FCGR2A: variants seen among roughly 807,000 people sequenced by gnomAD.
FCGR2A encodes Fc gamma receptor IIa.
FCGR2A carries 18 observed loss-of-function variants against 29.3 expected under a neutral mutation model. The ratio of observed to expected loss-of-function variants is 0.62; its 90% CI spans 0.43 to 0.91. FCGR2A has a LOEUF of 0.91. FCGR2A is among the 40% of genes least tolerant of loss of function. The probability of loss-of-function intolerance (pLI) is 0.00; values close to 1 mark genes in which losing one functional copy is unlikely to be tolerated. For missense variants in FCGR2A, 287 were observed against 393.0 expected (o/e 0.73, Z 2.28); for synonymous variants, 126 against 144.8 (o/e 0.87, Z 0.93).
rs1675338735 is a variant in FCGR2A at position 161,505,653 on chromosome 1, G to C, written c.85+101G>C. 4.1e-6 allele frequency: 4 copies of C among 968,968 alleles called. No homozygotes were observed. In the South Asian group the frequency reaches 5.1e-5, roughly 12 times the overall value. 60.0% of individuals were successfully genotyped at this position (968,968 alleles called of 1,614,324 possible). On this transcript the variant is annotated intron_variant, in intron 1 of 6. Coordinates refer to ENST00000271450, the MANE Select transcript of FCGR2A (RefSeq NM_001136219.3). ...GGAGCAGGCCTGGGCCCTGGAAGCA[G>C]GGGATAGATTGAAAGAGGAGAGAGG...
intron 3 of FCGR2A, among the ~76,000 whole-genome samples, chr1:161,508,445 G>A (rs35855160): frequency 0.15 from 22,754 of 151,672 alleles, 2,151 homozygotes; most frequent in Middle Eastern, 0.31. Flanking sequence ...AAAATTAGCC[G>A]GGCGTGATGG....
chr1:161,520,913 T>G (rs1297760067), downstream of FCGR2A, among the ~76,000 whole-genome samples: 2 of 144,586 alleles, frequency 1.4e-5, no homozygotes, highest in South Asian at 4.2e-4. Flanking sequence ...CTCCTACTGC[T>G]TTTCCTTGCT....
downstream of FCGR2A, among the ~76,000 whole-genome samples, chr1:161,520,315 C>T (rs1179393238): frequency 7.2e-5 from 11 of 152,280 alleles, no homozygotes; most frequent in East Asian, 2.1e-3. Flanking sequence ...CAGGCACCTT[C>T]TGCACATGAT....
chr1:161,510,627 G>A (rs1351120999), intron 4 of FCGR2A, among the ~76,000 whole-genome samples: 5 of 152,188 alleles, frequency 3.3e-5, no homozygotes, highest in Non-Finnish European at 7.3e-5. Context: ...GGGTAGGGAG[G>A]AGGCACAAGT....
Position 161,519,311 on chromosome 1 carries a change from T to C in FCGR2A, c.*1163T>C, listed in dbSNP as rs1327325117. 6.5e-6 allele frequency: 1 copy of C among 152,710 alleles called. No individual in the cohort carries two copies. The highest frequency in any genetic ancestry group is 1.5e-5 in the Non-Finnish European group (1 of 68,330). 9.5% of individuals were successfully genotyped at this position (152,710 alleles called of 1,614,324 possible). A position where few individuals can be genotyped will look rare whatever the true frequency, so the allele number is the denominator to read the frequency against. Reference sequence around the variant, plus strand: ...CAGCCGTTCTTGACATCAAGAATCTTCTGTTCCACATCCACACAGCCAATA... The same window carrying C: ...CAGCCGTTCTTGACATCAAGAATCTCCTGTTCCACATCCACACAGCCAATA... On this transcript the variant is annotated 3_prime_UTR_variant, in exon 7 of 7. Coordinates refer to ENST00000271450, the MANE Select transcript of FCGR2A (RefSeq NM_001136219.3).
chr1:161,506,536 G>A lies in FCGR2A; in HGVS notation c.309G>A (p.Thr103=), dbSNP rs775148955. Reference sequence around the variant, plus strand: ...ACAACAATGACAGCGGGGAGTACACGTGCCAGACTGGCCAGACCAGCCTCA... The same window carrying A: ...ACAACAATGACAGCGGGGAGTACACATGCCAGACTGGCCAGACCAGCCTCA... ...KANNNDSGEY[T]CQTGQTSLSD... is the part of the protein sequence containing the mutation. Residue 103 remains threonine, a synonymous_variant, in exon 3 of 7, where the codon ACG becomes ACA. Transcript: ENST00000271450. The A allele has an allele frequency of 6.2e-6, 10 of 1,614,076 alleles. No homozygotes were observed. The highest frequency in any genetic ancestry group is 2.2e-5 in the East Asian group (1 of 44,894).
chr1:161,517,255 A>C (rs1305783697), intron 6 of FCGR2A, among the ~76,000 whole-genome samples: 2 of 152,096 alleles, frequency 1.3e-5, no homozygotes, highest in African/African-American at 4.8e-5. Context: ...ATATCTTAAC[A>C]GCTTAACAAG....
rs1209980542 is a variant in FCGR2A at position 161,519,274 on chromosome 1, CCTT to C, written c.*1129_*1131del. ...ATATGGTCCCAAATGACTGACTGCA[CCTT>C]CTGTGCCTCAGCCGTTCTTGACATC... On this transcript the variant is annotated 3_prime_UTR_variant, in exon 7 of 7. Coordinates refer to ENST00000271450, the MANE Select transcript of FCGR2A (RefSeq NM_001136219.3). The C allele has an allele frequency of 1.3e-5, 2 of 152,752 alleles. No homozygotes were observed. Among genetic ancestry groups the C allele is most frequent in the Non-Finnish European group, 2.9e-5 (2 of 68,376 alleles). 9.5% of individuals were successfully genotyped at this position (152,752 alleles called of 1,614,324 possible).
At chr1:161,511,820 C>A (rs1675806742) in intron 5 of FCGR2A, among the ~76,000 whole-genome samples, 1 of 152,164 alleles carries the variant, frequency 6.6e-6, no homozygotes. Context: ...CCTGAGAAAC[C>A]AGGTGAATAC....
rs403988 is a variant in FCGR2A, at chr1:161,513,876, T to C, written c.743-19T>C. On this transcript the variant is annotated intron_variant, in intron 5 of 6. Coordinates refer to ENST00000271450, the MANE Select transcript of FCGR2A (RefSeq NM_001136219.3). ...TTCAACAGCAGTGCCCTGGCTAATC[T>C]TTTTCTTTTTCCCCACAGCCAATTC... 8.7e-4 allele frequency: 1,412 copies of C among 1,613,718 alleles called. 10 individuals are homozygous for C. In the East Asian group the frequency reaches 0.026, roughly 29 times the overall value.
intron 4 of FCGR2A, 120 bp from the exon 5 acceptor site, chr1:161,510,714 G>A (rs1675716686): frequency 1.5e-6 from 2 of 1,296,584 alleles, no homozygotes; most frequent in Non-Finnish European, 2.2e-6. Context: ...AGACACAGAA[G>A]AGCTTCAGGT....
At position 161,513,814 on chromosome 1, in the gene FCGR2A, G is replaced by A; in HGVS notation, c.743-81G>A. ...CAGTCCTTGCTTTGAGTCTGGTTATGGTTTTGCAGCCTCAGCATCAGCGTG... is the reference window on the plus strand; with the variant it reads ...CAGTCCTTGCTTTGAGTCTGGTTATAGTTTTGCAGCCTCAGCATCAGCGTG... On this transcript the variant is annotated intron_variant, in intron 5 of 6. Transcript: ENST00000271450. The A allele has an allele frequency of 3.1e-6, 5 of 1,603,946 alleles. No individual in the cohort carries two copies. In the East Asian group the frequency reaches 8.9e-5, roughly 29 times the overall value.
At position 161,510,948 on chromosome 1, in the gene FCGR2A, G is replaced by A. The variant is rs746278098; in HGVS notation, c.734G>A (p.Arg245Gln). 4.2e-5 allele frequency: 67 copies of A among 1,614,016 alleles called. No homozygotes were observed. The highest frequency in any genetic ancestry group is 3.3e-4 in the South Asian group (30 of 91,082). Residue 245 changes from arginine to glutamine, a missense_variant, in exon 5 of 7, where the codon CGG becomes CAG. By Grantham distance (43) the Arg-to-Gln change is conservative. Coordinates refer to ENST00000271450, the MANE Select transcript of FCGR2A (RefSeq NM_001136219.3). ...VVALIYCRKK[R>Q]ISANSTDPVK... ...GCCTTGATCTACTGCAGGAAAAAGCGGATTTCAGGTTTGTAGCTCCTCCCA... is the reference window on the plus strand; with the variant it reads ...GCCTTGATCTACTGCAGGAAAAAGCAGATTTCAGGTTTGTAGCTCCTCCCA...
intron 5 of FCGR2A, among the ~76,000 whole-genome samples, 161 bp downstream of exon 5, chr1:161,511,117 C>T (rs986573463): frequency 1.3e-5 from 2 of 152,220 alleles, no homozygotes; most frequent in African/African-American, 4.8e-5. Flanking sequence ...TCAACAAGAG[C>T]ACTAATAGGA....
At position 161,506,003 on chromosome 1, in the gene FCGR2A, A is replaced by G; in HGVS notation, c.102A>G (p.Gln34=). Residue 34 remains glutamine, a synonymous_variant, in exon 2 of 7, where the codon CAA becomes CAG. Coordinates refer to ENST00000271450, the MANE Select transcript of FCGR2A (RefSeq NM_001136219.3). ...VLLLLASADS[Q]AAAPPKAVLK... Reference sequence around the variant, plus strand: ...CTTTTACAGCTTCTGCAGACAGTCAAGCTGGTGAGTATGCCCTTTGCTTCC... The same window carrying G: ...CTTTTACAGCTTCTGCAGACAGTCAGGCTGGTGAGTATGCCCTTTGCTTCC... The G allele has an allele frequency of 6.2e-7, 1 of 1,614,040 alleles. No individual in the cohort carries two copies. Among genetic ancestry groups the G allele is most frequent in the Non-Finnish European group, 8.5e-7 (1 of 1,179,882 alleles).
chr1:161,513,930 G>A lies in FCGR2A; in HGVS notation c.778G>A (p.Glu260Lys). 6.2e-7 allele frequency: 1 copy of A among 1,614,224 alleles called. No individual in the cohort carries two copies. The highest frequency in any genetic ancestry group is 8.5e-7 in the Non-Finnish European group (1 of 1,180,046). ...STDPVKAAQFEPPGRQMIAIR... is the reference protein window; with the variant it reads ...STDPVKAAQFKPPGRQMIAIR... ...TGATCCTGTGAAGGCTGCCCAATTT[G>A]AGGTGAGTAATCCCAGCCATCTCCT... Residue 260 changes from glutamate to lysine, a missense_variant and splice_region_variant, in exon 6 of 7, where the codon GAG becomes AAG. By Grantham distance (56) the Glu-to-Lys change is moderately conservative. Coordinates refer to ENST00000271450, the MANE Select transcript of FCGR2A (RefSeq NM_001136219.3).
At chr1:161,514,010 A>T in intron 6 of FCGR2A, 78 bp downstream of exon 6, 1 of 1,606,326 alleles carries the variant, frequency 6.2e-7, no homozygotes, top group Non-Finnish European at 8.5e-7. Context: ...GCCTTTGTTA[A>T]TGCAAAATTA....
At chr1:161,510,456 G>A (rs550841301) in intron 4 of FCGR2A, 22 of 469,084 alleles carry the variant, frequency 4.7e-5, no homozygotes, top group African/African-American at 2.5e-4. Context: ...AGCCTGGCAC[G>A]TCATGGACTG....
downstream of FCGR2A, among the ~76,000 whole-genome samples, chr1:161,521,400 C>T (rs1311344857): frequency 6.6e-6 from 1 of 151,762 alleles, no homozygotes; most frequent in African/African-American, 2.4e-5. Flanking sequence ...TCCTTAGAAA[C>T]AATGTAGTCC....
Sources: allele counts gnomAD v4.1 joint callset (sites outside exome capture counted in the v4.1 genomes callset), GRCh38; gene constraint gnomAD v4.1.1; transcripts MANE v1.5; gene names NCBI Gene and HGNC (gene_info 2026-07-23, HGNC 2026-07-21).